The following SOX5 variants were observed in gnomAD, a reference collection of about 807,000 sequenced individuals.
The protein encoded by SOX5 is SRY-box transcription factor 5, also known as transcription factor SOX-5.
In SOX5, 9 loss-of-function variants were observed where a neutral mutation model predicts 92.0. The ratio of observed to expected loss-of-function variants is 0.10; its 90% CI spans 0.06 to 0.17. The LOEUF (loss-of-function observed/expected upper bound fraction) is 0.17, where lower values mean the gene tolerates loss of function less well. Ranked by LOEUF, SOX5 falls within the 10% of genes least tolerant of loss-of-function variation. The pLI is 1.00. For synonymous variants in SOX5, 344 were observed against 336.3 expected, an observed-to-expected ratio of 1.02 and a Z score of -0.25; for missense variants, 642 against 944.5, an observed-to-expected ratio of 0.68 and a Z score of 4.20.
chr12:23,905,588 G>A (rs1298162341), intron 1 of SOX5, among the ~76,000 whole-genome samples: 2 of 151,920 alleles, frequency 1.3e-5, no homozygotes, highest in African/African-American at 2.4e-5. Context: ...TAAAACAGAA[G>A]AAAAAATACT....
At chr12:24,354,286 C>G (rs1350599577) in intron 2 of SOX5, among the ~76,000 whole-genome samples, 5 of 152,104 alleles carry the variant, frequency 3.3e-5, no homozygotes, top group African/African-American at 1.2e-4. Context: ...AAAAACAAAA[C>G]AAAAAAATCC....
At chr12:23,812,897 G>T (rs921958546) in intron 3 of SOX5, among the ~76,000 whole-genome samples, 6 of 152,104 alleles carry the variant, frequency 3.9e-5, no homozygotes, top group Admixed American at 6.6e-5. Context: ...AGACAAGTCC[G>T]ACAGTAACAT....
intron 4 of SOX5, among the ~76,000 whole-genome samples, chr12:24,056,659 T>C (rs1958135626): frequency 6.6e-6 from 1 of 152,042 alleles, no homozygotes; most frequent in Admixed American, 6.5e-5. Flanking sequence ...TCTTATACTT[T>C]ACAGAAGGGG....
chr12:23,756,587 A>C (rs142290301), intron 3 of SOX5, among the ~76,000 whole-genome samples: 198 of 152,106 alleles, frequency 1.3e-3, no homozygotes, highest in African/African-American at 4.6e-3. Context: ...ATACACAATT[A>C]CAATGGCTTT....
At chr12:24,369,963 C>T (rs1426512876) in intron 1 of SOX5, among the ~76,000 whole-genome samples, 2 of 152,088 alleles carry the variant, frequency 1.3e-5, no homozygotes, top group Non-Finnish European at 1.5e-5. Flanking sequence ...AAATTATATC[C>T]CATTGCTTAT....
chr12:24,337,635 C>T (rs1952058083), intron 2 of SOX5, among the ~76,000 whole-genome samples: 1 of 152,172 alleles, frequency 6.6e-6, no homozygotes, highest in Admixed American at 6.5e-5. Flanking sequence ...TCACCACACA[C>T]TCGGCCTGAA....
intron 6 of SOX5, among the ~76,000 whole-genome samples, chr12:23,695,335 G>C (rs1429563882): frequency 1.3e-5 from 2 of 152,062 alleles, no homozygotes; most frequent in Non-Finnish European, 2.9e-5. Context: ...GAATTGGCTT[G>C]TCAATTACAA....
At chr12:23,717,767 A>T (rs1174181441) in intron 6 of SOX5, among the ~76,000 whole-genome samples, 1 of 152,236 alleles carries the variant, frequency 6.6e-6, no homozygotes, top group East Asian at 1.9e-4. Context: ...GAGTACTAAT[A>T]AAGTAAATAC....
At chr12:23,612,407 T>C (rs901301241) in intron 8 of SOX5, among the ~76,000 whole-genome samples, 4 of 152,088 alleles carry the variant, frequency 2.6e-5, no homozygotes, top group Non-Finnish European at 5.9e-5. Flanking sequence ...TCCTTTTTCA[T>C]CCTCAGTGAT....
intron 3 of SOX5, among the ~76,000 whole-genome samples, chr12:23,766,878 T>A (rs1555328622): frequency 6.6e-6 from 1 of 152,162 alleles, no homozygotes; most frequent in Non-Finnish European, 1.5e-5. Context: ...TATTTACTGA[T>A]GTATTTTGAT....
rs146213809 is a variant in SOX5 at position 24,094,345 on chromosome 12, T to C, written c.-2+118998A>G. ...TCATATTCCATAAAATGTCTGTTTA[T>C]TACCTTTGTCTGTTTTGCTATTATG... On this transcript the variant is annotated intron_variant, in intron 4 of 4. Transcript: ENST00000446891. 1.8e-3 allele frequency among the ~76,000 whole-genome samples: 277 copies of C among 152,326 alleles called. No individual in the cohort carries two copies. The Middle Eastern group carries it at 0.044, about 24-fold the overall frequency.
At chr12:23,852,933 A>C (rs1425846484) in intron 2 of SOX5, among the ~76,000 whole-genome samples, 1 of 151,922 alleles carries the variant, frequency 6.6e-6, no homozygotes. Flanking sequence ...GTTAAGAGCT[A>C]AGGAGAGAAA....
At chr12:23,541,200 C>T (rs1941966921) in intron 13 of SOX5, among the ~76,000 whole-genome samples, 1 of 152,138 alleles carries the variant, frequency 6.6e-6, no homozygotes, top group Non-Finnish European at 1.5e-5. Context: ...TCCATAGATA[C>T]TTTTGCTACA....
At chr12:24,546,866 G>T (rs917752758) in intron 1 of SOX5, among the ~76,000 whole-genome samples, 6 of 152,170 alleles carry the variant, frequency 3.9e-5, no homozygotes, top group African/African-American at 1.2e-4. Context: ...AGTAAACCAT[G>T]GCTCAGGAAT....
At chr12:23,751,005 C>T (rs78575034) in intron 4 of SOX5, among the ~76,000 whole-genome samples, 12 of 151,980 alleles carry the variant, frequency 7.9e-5, no homozygotes, top group South Asian at 2.1e-4. Flanking sequence ...TTATATTCTA[C>T]GCGCCAGCAG....
chr12:24,192,551 T>C (rs1209683505), intron 4 of SOX5, among the ~76,000 whole-genome samples: 2 of 152,216 alleles, frequency 1.3e-5, no homozygotes, highest in Non-Finnish European at 2.9e-5. Context: ...TGATCATGAA[T>C]GAAATATCGA....
At chr12:23,961,528 C>T (rs764259034) in intron 4 of SOX5, among the ~76,000 whole-genome samples, 11 of 152,056 alleles carry the variant, frequency 7.2e-5, no homozygotes, top group Non-Finnish European at 1.3e-4. Flanking sequence ...TATCTTCCCC[C>T]CTTCCCTTCT....
chr12:24,506,975 A>G lies in SOX5; in HGVS notation c.-251+55354T>C, dbSNP rs1409420760. Among the ~76,000 whole-genome samples, 12 of 151,660 alleles carry G rather than the reference A, an allele frequency of 7.9e-5. No individual in the cohort carries two copies. In the East Asian group the frequency reaches 2.1e-3, roughly 27 times the overall value. ...CCGGCTAATTTTTTGTATTTTTAGT[A>G]GAGACGGGGTTTCACCTTGTTAGCC... On this transcript the variant is annotated intron_variant, in intron 1 of 4. Transcript: ENST00000446891.
At chr12:24,348,544 G>T (rs1953647543) in intron 2 of SOX5, among the ~76,000 whole-genome samples, 1 of 151,928 alleles carries the variant, frequency 6.6e-6, no homozygotes, top group African/African-American at 2.4e-5. Flanking sequence ...TACCATGCCT[G>T]GCTAATTTTT....
Sources: allele counts gnomAD v4.1 joint callset (sites outside exome capture counted in the v4.1 genomes callset), GRCh38; gene constraint gnomAD v4.1.1; transcripts MANE v1.5; gene names NCBI Gene and HGNC (gene_info 2026-07-23, HGNC 2026-07-21).